Variants in TBC1D25 observed in about 807,000 individuals in gnomAD.
TBC1D25 encodes 5SN3 snoRNA.
TBC1D25 carries 13 observed loss-of-function variants against 38.8 expected under a neutral mutation model. The observed-to-expected ratio is 0.34, with a 90% CI of 0.22 to 0.53. TBC1D25 has a LOEUF of 0.53. Among genes scored for constraint, TBC1D25 ranks in the 20% least tolerant of loss-of-function variants. The pLI, the probability that TBC1D25 is intolerant of heterozygous loss-of-function variation, is 0.94. For missense variants in TBC1D25, 372 were observed against 600.0 expected (o/e 0.62, Z 3.97); for synonymous variants, 225 against 255.6 (o/e 0.88, Z 1.14).
At chrX:48,552,720 A>G (rs1275245905) in intron 3 of TBC1D25, among the ~76,000 whole-genome samples, 1 of 109,632 alleles carries the variant, frequency 9.1e-6, no homozygotes, top group Admixed American at 1.0e-4. Flanking sequence ...TTTAAAATGG[A>G]GCTTTGGAAC....
intron 3 of TBC1D25, 46 bp downstream of exon 3, chrX:48,545,069 C>T (rs374109482): frequency 3.6e-5 from 43 of 1,190,160 alleles, no homozygotes; most frequent in Middle Eastern, 2.4e-4. Context: ...AACCCCTTTA[C>T]CCCATAGGGT....
chrX:48,541,621 C>T, intron 2 of TBC1D25, 179 bp downstream of exon 2: 1 of 487,921 alleles, frequency 2.0e-6, no homozygotes, highest in Non-Finnish European at 3.6e-6. Context: ...TTGCTTTCTG[C>T]AGTTTCAGTT....
intron 1 of TBC1D25, among the ~76,000 whole-genome samples, chrX:48,540,300 G>A (rs1556979890): frequency 8.9e-6 from 1 of 111,827 alleles, no homozygotes; most frequent in Non-Finnish European, 1.9e-5. Context: ...TTATGTGCAA[G>A]TTCCCACTTT....
chrX:48,547,158 G>A (rs949713698), intron 3 of TBC1D25, among the ~76,000 whole-genome samples: 1 of 112,140 alleles, frequency 8.9e-6, no homozygotes, highest in Non-Finnish European at 1.9e-5. Flanking sequence ...GCTCAGAGAG[G>A]TGACAGGACT....
In TBC1D25 at chrX:48,539,912, C is replaced by G; in HGVS notation, c.115C>G (p.Arg39Gly). The G allele has an allele frequency of 2.1e-6, 2 of 954,872 alleles. No homozygotes were observed. The highest frequency in any genetic ancestry group is 2.6e-6 in the Non-Finnish European group (2 of 761,190). 78.7% of individuals were successfully genotyped at this position (954,872 alleles called of 1,213,427 possible). The change falls in exon 1 of 6, where the codon CGA becomes GGA. Residue 39 changes from arginine to glycine, a missense_variant. Coordinates refer to ENST00000376771, the MANE Select transcript of TBC1D25 (RefSeq NM_002536.4). ...GGAGGAGCGAGAGGTGGTGCGGGTC[C>G]GAGTCAAGGTGAGGCTGGCGGTGAG... Reference protein sequence around the residue: ...EEEEREVVRVRVKKCESFLPP... With the variant: ...EEEEREVVRVGVKKCESFLPP...
Position 48,539,930 on chromosome X carries a change from G to A in TBC1D25, c.123+10G>A. On this transcript the variant is annotated intron_variant, in intron 1 of 5. Coordinates refer to ENST00000376771, the MANE Select transcript of TBC1D25 (RefSeq NM_002536.4). ...GCGGGTCCGAGTCAAGGTGAGGCTG[G>A]CGGTGAGTCGGCCCAGCCGCCGAGG... The A allele has an allele frequency of 1.1e-6, 1 of 949,967 alleles. No homozygotes were observed. The highest frequency in any genetic ancestry group is 1.3e-6 in the Non-Finnish European group (1 of 758,716). 78.3% of individuals were successfully genotyped at this position (949,967 alleles called of 1,213,427 possible).
intron 3 of TBC1D25, among the ~76,000 whole-genome samples, chrX:48,552,793 C>CTT (rs1216114960): frequency 3.0e-5 from 3 of 101,223 alleles, no homozygotes; most frequent in Non-Finnish European, 4.1e-5. Context: ...GCTTAGACAA[C>CTT]TTTTTTTTTT....
In TBC1D25 at chrX:48,541,428, C is replaced by T; in HGVS notation, c.219C>T (p.Ala73=). 1.7e-6 allele frequency: 2 copies of T among 1,211,610 alleles called. No homozygotes were observed. The highest frequency in any genetic ancestry group is 2.2e-6 in the Non-Finnish European group (2 of 895,405). Reference sequence around the variant, plus strand: ...TGTTGCAGCACATCCTCATCCGAGCCTTTGATTTGAGTGGGTGAGTGGGAA... The same window carrying T: ...TGTTGCAGCACATCCTCATCCGAGCTTTTGATTTGAGTGGGTGAGTGGGAA... ...LDVLQHILIR[A]FDLSGKKNFG... is the part of the protein sequence containing the mutation. Residue 73 remains alanine (A), a synonymous_variant, in exon 2 of 6, where the codon GCC becomes GCT. Coordinates refer to ENST00000376771, the MANE Select transcript of TBC1D25 (RefSeq NM_002536.4).
chrX:48,543,558 G>A (rs956589714), intron 2 of TBC1D25, among the ~76,000 whole-genome samples: 1 of 105,595 alleles, frequency 9.5e-6, no homozygotes, highest in Non-Finnish European at 1.9e-5. Context: ...ATTAATGGGT[G>A]TTTCCAAAAT....
At chrX:48,540,048 A>C (rs1283128311) in intron 1 of TBC1D25, 128 bp downstream of exon 1, 1 of 865,296 alleles carries the variant, frequency 1.2e-6, no homozygotes, top group South Asian at 6.4e-5. Context: ...CTTGAGGGCC[A>C]AGTGATGATG....
rs181060373 is a variant in TBC1D25, at chrX:48,545,354, G to C, written c.388+331G>C. The stretch of plus-strand genomic sequence containing the variant: ...TATTATACTATTATAACATATAACC[G>C]AGTAATGTATGTAATAATTAGATAT... On this transcript the variant is annotated intron_variant, in intron 3 of 5. Coordinates refer to ENST00000376771, the MANE Select transcript of TBC1D25 (RefSeq NM_002536.4). Among the ~76,000 whole-genome samples, 68 of 112,231 alleles carry C rather than the reference G, an allele frequency of 6.1e-4. No homozygotes were observed. The East Asian group carries it at 0.018, about 29-fold the overall frequency.
At chrX:48,552,023 A>T (rs1262486891) in intron 3 of TBC1D25, among the ~76,000 whole-genome samples, 2 of 111,022 alleles carry the variant, frequency 1.8e-5, no homozygotes, top group Non-Finnish European at 3.8e-5. Flanking sequence ...TTTTTCTGAC[A>T]TTCTCATGGC....
Position 48,550,341 on chromosome X carries a change from G to GT in TBC1D25, c.388+5321dup, listed in dbSNP as rs1162681574. 2.7e-5 allele frequency among the ~76,000 whole-genome samples: 3 copies of GT among 111,884 alleles called. No individual in the cohort carries two copies. In the East Asian group the frequency reaches 8.3e-4, roughly 31 times the overall value. On this transcript the variant is annotated intron_variant, in intron 3 of 5. Coordinates refer to ENST00000376771, the MANE Select transcript of TBC1D25 (RefSeq NM_002536.4). ...TTTCTGCAGTGATTCGAAATGCCAC[G>GT]TTTGTCACATATTCAGTTTCCATAT... is the stretch of plus-strand genomic sequence containing the variant.
At position 48,559,178 on chromosome X, in the gene TBC1D25, G is replaced by A. The variant is rs1380998391; in HGVS notation, c.537G>A (p.Lys179=). 2 of 1,208,814 alleles carry A rather than the reference G, an allele frequency of 1.7e-6. No homozygotes were observed. The highest frequency in any genetic ancestry group is 2.2e-6 in the Non-Finnish European group (2 of 894,929). ...ILTQVGRTLS[K]VQQVLSWSYG... is the part of the protein sequence containing the mutation. ...CATAGGTGGGCCGTACCTTGTCTAAGGTCCAACAAGTGCTGAGCTGGTCGT... is the reference window on the plus strand; with the variant it reads ...CATAGGTGGGCCGTACCTTGTCTAAAGTCCAACAAGTGCTGAGCTGGTCGT... The change falls in exon 5 of 6, where the codon AAG becomes AAA. Residue 179 remains lysine (K), a synonymous_variant. Transcript: ENST00000376771.
intron 2 of TBC1D25, among the ~76,000 whole-genome samples, chrX:48,542,420 G>A (rs1418377906): frequency 1.8e-5 from 2 of 109,205 alleles, no homozygotes; most frequent in Admixed American, 9.9e-5. Flanking sequence ...TGTCCACCTC[G>A]GCCTCCCAAA....
chrX:48,549,729 G>T (rs2061914012), intron 3 of TBC1D25, among the ~76,000 whole-genome samples: 1 of 112,186 alleles, frequency 8.9e-6, no homozygotes, highest in Non-Finnish European at 1.9e-5. Context: ...TCGAATTCCT[G>T]ATCTCAAGTG....
chrX:48,556,338 A>G (rs190213961), intron 3 of TBC1D25, among the ~76,000 whole-genome samples: 9 of 111,858 alleles, frequency 8.0e-5, no homozygotes, highest in Non-Finnish European at 1.5e-4. Flanking sequence ...CCCTAAATCC[A>G]TTAAACCTTG....
chrX:48,541,900 ACT>A (rs1556980380), intron 2 of TBC1D25, among the ~76,000 whole-genome samples: 1 of 111,240 alleles, frequency 9.0e-6, no homozygotes, highest in African/African-American at 3.3e-5. Context: ...TGTAAAACAG[ACT>A]CTGTGTTAGA....
chrX:48,541,563 C>T, intron 2 of TBC1D25, 121 bp downstream of exon 2: 1 of 685,895 alleles, frequency 1.5e-6, no homozygotes. Context: ...CAGTGAACAG[C>T]CACGTATGCA....
Sources: allele counts gnomAD v4.1 joint callset (sites outside exome capture counted in the v4.1 genomes callset), GRCh38; gene constraint gnomAD v4.1.1; transcripts MANE v1.5; gene names NCBI Gene and HGNC (gene_info 2026-07-23, HGNC 2026-07-21).